Variants in ADGRL4 observed in about 807,000 individuals in gnomAD.
ADGRL4 encodes the protein EGF, latrophilin and seven transmembrane domain containing 1.
ADGRL4 carries 90 observed loss-of-function variants against 74.8 expected under a neutral mutation model. The observed-to-expected ratio is 1.20, with a 90% CI of 1.02 to 1.43. The LOEUF is 1.43. Among genes scored for constraint, ADGRL4 ranks in the 40% most tolerant of loss-of-function variants. ADGRL4 has a pLI of 0.00. For synonymous variants in ADGRL4, 311 were observed against 279.2 expected, an observed-to-expected ratio of 1.11 and a Z score of -1.14; for missense variants, 881 against 814.3, an observed-to-expected ratio of 1.08 and a Z score of -1.00.
intron 2 of ADGRL4, among the ~76,000 whole-genome samples, chr1:79,004,809 G>T (rs1003098910): frequency 6.6e-6 from 1 of 152,056 alleles, no homozygotes; most frequent in African/African-American, 2.4e-5. Context: ...TCTACACCTG[G>T]ATCTCCAGCA....
chr1:78,945,037 C>A (rs1176775963), intron 3 of ADGRL4, among the ~76,000 whole-genome samples: 5 of 151,646 alleles, frequency 3.3e-5, no homozygotes, highest in Non-Finnish European at 5.9e-5. Context: ...TGGCAGCGTG[C>A]ACCTGTAGTC....
At chr1:78,900,722 C>T (rs1298814875) in intron 12 of ADGRL4, among the ~76,000 whole-genome samples, 4 of 152,112 alleles carry the variant, frequency 2.6e-5, no homozygotes, top group African/African-American at 4.8e-5. Context: ...TTTTCCTTCA[C>T]TTCATGATTG....
At chr1:78,893,665 A>G (rs1648335159) in intron 12 of ADGRL4, among the ~76,000 whole-genome samples, 2 of 151,960 alleles carry the variant, frequency 1.3e-5, no homozygotes, top group Non-Finnish European at 2.9e-5. Flanking sequence ...GTTTGAATGT[A>G]CTTTCTCTCG....
intron 12 of ADGRL4, among the ~76,000 whole-genome samples, chr1:78,894,970 C>T (rs1648363557): frequency 6.6e-6 from 1 of 151,958 alleles, no homozygotes; most frequent in Admixed American, 6.6e-5. Flanking sequence ...TTTGGATATG[C>T]TCTTCTACAT....
At chr1:78,978,893 T>C (rs568613631) in intron 2 of ADGRL4, among the ~76,000 whole-genome samples, 1 of 152,132 alleles carries the variant, frequency 6.6e-6, no homozygotes, top group South Asian at 2.1e-4. Flanking sequence ...CCTAACATCC[T>C]ATAAATACAC....
rs1224341505 is a variant in ADGRL4 at position 78,985,444 on chromosome 1, G to A, written c.172+19626C>T. On this transcript the variant is annotated intron_variant, in intron 2 of 14. Coordinates refer to ENST00000370742, the MANE Select transcript of ADGRL4 (RefSeq NM_022159.4). Reference sequence around the variant, plus strand: ...ACAAAATATGCTGAAATGGTATTTAGAAACAAAAGCATAGAGTTTATTACT... The same window carrying A: ...ACAAAATATGCTGAAATGGTATTTAAAAACAAAAGCATAGAGTTTATTACT... 2.0e-5 allele frequency among the ~76,000 whole-genome samples: 3 copies of A among 151,666 alleles called. No individual in the cohort carries two copies. The South Asian group carries it at 6.2e-4, about 31-fold the overall frequency.
At chr1:78,927,644 ATTTATCCATG>A (rs1166429470) in intron 7 of ADGRL4, among the ~76,000 whole-genome samples, 1 of 152,070 alleles carries the variant, frequency 6.6e-6, no homozygotes, top group Admixed American at 6.6e-5. Context: ...AGAGATGGCC[ATTTATCCATG>A]TCCCCTAAAA....
At position 78,927,093 on chromosome 1, in the gene ADGRL4, T is replaced by A; in HGVS notation, c.878-2A>T. 3.9e-6 allele frequency: 6 copies of A among 1,547,532 alleles called. No homozygotes were observed. Among genetic ancestry groups the A allele is most frequent in the Non-Finnish European group, 5.3e-6 (6 of 1,123,162 alleles). On this transcript the variant is annotated splice_acceptor_variant, in intron 7 of 14. Coordinates refer to ENST00000370742, the MANE Select transcript of ADGRL4 (RefSeq NM_022159.4). LOFTEE classifies it high-confidence loss of function. ...ATACAAATGCAACTGCAACATTGCC[T>A]ATCAATCAAATAAGTATATTTAGTG...
At chr1:78,956,260 C>T (rs998974563) in intron 2 of ADGRL4, among the ~76,000 whole-genome samples, 1 of 152,148 alleles carries the variant, frequency 6.6e-6, no homozygotes, top group Non-Finnish European at 1.5e-5. Context: ...ACTTACATAA[C>T]TTTCCCAGCA....
At chr1:78,963,014 C>A (rs1649985276) in intron 2 of ADGRL4, among the ~76,000 whole-genome samples, 1 of 152,142 alleles carries the variant, frequency 6.6e-6, no homozygotes, top group Admixed American at 6.6e-5. Context: ...CTCCACAAAT[C>A]TGCCCTCTGT....
At chr1:78,921,474 G>A in intron 9 of ADGRL4, 139 bp downstream of exon 9, 1 of 436,626 alleles carries the variant, frequency 2.3e-6, no homozygotes, top group Non-Finnish European at 4.0e-6. Flanking sequence ...GAAAGATCCT[G>A]TTGGGGTTTT....
At chr1:78,991,793 G>T (rs1005736170) in intron 2 of ADGRL4, among the ~76,000 whole-genome samples, 1 of 151,892 alleles carries the variant, frequency 6.6e-6, no homozygotes, top group African/African-American at 2.4e-5. Flanking sequence ...TCCCATAGTA[G>T]CAAAAAGTAG....
chr1:78,956,887 T>C (rs1216812052), intron 2 of ADGRL4, among the ~76,000 whole-genome samples: 1 of 152,136 alleles, frequency 6.6e-6, no homozygotes, highest in African/African-American at 2.4e-5. Context: ...GAAATTGCAA[T>C]TTTATGGTTT....
chr1:78,964,806 T>C (rs1410853433), intron 2 of ADGRL4, among the ~76,000 whole-genome samples: 1 of 152,182 alleles, frequency 6.6e-6, no homozygotes, highest in African/African-American at 2.4e-5. Context: ...TTTCTGCTTC[T>C]GTAATGTTTT....
chr1:78,943,186 C>G (rs1649528117), intron 3 of ADGRL4, among the ~76,000 whole-genome samples: 1 of 152,016 alleles, frequency 6.6e-6, no homozygotes, highest in African/African-American at 2.4e-5. Flanking sequence ...AAAAAAAAAT[C>G]TACAATTATC....
intron 2 of ADGRL4, among the ~76,000 whole-genome samples, chr1:78,994,290 T>C (rs1040761951): frequency 2.6e-5 from 4 of 152,198 alleles, no homozygotes. Flanking sequence ...GGATTACATC[T>C]GAAGTAATCC....
At chr1:78,922,785 G>A (rs1453559697) in intron 8 of ADGRL4, among the ~76,000 whole-genome samples, 2 of 151,912 alleles carry the variant, frequency 1.3e-5, no homozygotes, top group Non-Finnish European at 2.9e-5. Context: ...GATAGATGGA[G>A]TAATATAGAA....
intron 13 of ADGRL4, 68 bp from the exon 14 acceptor site, chr1:78,891,760 A>T: frequency 7.2e-7 from 1 of 1,389,146 alleles, no homozygotes; most frequent in Non-Finnish European, 9.8e-7. Flanking sequence ...CAAATTACTC[A>T]AATTATGTGG....
At chr1:78,998,362 CTTTTTTTT>C (rs71078519) in intron 2 of ADGRL4, among the ~76,000 whole-genome samples, 3 of 65,042 alleles carry the variant, frequency 4.6e-5, no homozygotes, top group Admixed American at 2.5e-4. Flanking sequence ...TCCACTGATT[CTTTTTTTT>C]TTTTTTTTTT....
Sources: allele counts gnomAD v4.1 joint callset (sites outside exome capture counted in the v4.1 genomes callset), GRCh38; gene constraint gnomAD v4.1.1; transcripts MANE v1.5; gene names NCBI Gene and HGNC (gene_info 2026-07-23, HGNC 2026-07-21).